Variants in TESC observed in about 807,000 individuals in gnomAD.
TESC encodes calcineurin B homologous protein 3.
Under a neutral mutation model 31.0 loss-of-function variants are expected in TESC, and 19 were observed. That is an observed-to-expected ratio of 0.61 (90% CI 0.43 to 0.90). The LOEUF is 0.90. Ranked by LOEUF, TESC falls within the 40% of genes least tolerant of loss-of-function variation. The pLI is 0.00. For missense variants in TESC, 248 were observed against 303.8 expected (o/e 0.82, Z 1.36); for synonymous variants, 109 against 114.8 (o/e 0.95, Z 0.32).
chr12:117,098,676 T>C (rs559634926), intron 1 of TESC: 1 of 152,382 alleles, frequency 6.6e-6, no homozygotes, highest in Non-Finnish European at 1.5e-5. Flanking sequence ...CCTCGCTAAG[T>C]CTCCCAGCCA....
At chr12:117,063,574 C>T (rs1355314732) in intron 2 of TESC, among the ~76,000 whole-genome samples, 1 of 152,182 alleles carries the variant, frequency 6.6e-6, no homozygotes, top group African/African-American at 2.4e-5. Context: ...CACCAACCAC[C>T]ACAAGGCTAA....
intron 2 of TESC, among the ~76,000 whole-genome samples, chr12:117,068,673 T>G (rs761330577): frequency 3.3e-5 from 5 of 152,190 alleles, no homozygotes; most frequent in Non-Finnish European, 7.4e-5. Context: ...AGTCCCTTTT[T>G]TTTCTCTTCC....
chr12:117,057,005 A>G, intron 2 of TESC, 119 bp from the exon 3 acceptor site: 1 of 928,866 alleles, frequency 1.1e-6, no homozygotes, highest in Non-Finnish European at 1.7e-6. Context: ...CCACAAGAAT[A>G]GTTCAGAGTT....
At chr12:117,082,888 G>T (rs1379742195) in intron 1 of TESC, among the ~76,000 whole-genome samples, 1 of 151,958 alleles carries the variant, frequency 6.6e-6, no homozygotes, top group Non-Finnish European at 1.5e-5. Flanking sequence ...TTGTATTTGG[G>T]TTAAAATTTT....
At chr12:117,067,327 G>C (rs369366216) in intron 2 of TESC, among the ~76,000 whole-genome samples, 39 of 152,298 alleles carry the variant, frequency 2.6e-4, no homozygotes, top group African/African-American at 8.7e-4. Context: ...CACTTTGGAA[G>C]ACTGAGGCAG....
chr12:117,070,975 T>A (rs201290937), intron 2 of TESC, among the ~76,000 whole-genome samples: 1 of 151,246 alleles, frequency 6.6e-6, no homozygotes, highest in Admixed American at 6.6e-5. Flanking sequence ...TGTCAAAAAA[T>A]AAAAAAAAAG....
chr12:117,039,480 A>G (rs768248931), intron 7 of TESC, among the ~76,000 whole-genome samples: 16 of 152,178 alleles, frequency 1.1e-4, no homozygotes, highest in Admixed American at 2.6e-4. Flanking sequence ...ACTGAATCCA[A>G]GCTCTTAGCT....
chr12:117,065,193 A>G (rs925329785), intron 2 of TESC, among the ~76,000 whole-genome samples: 2 of 152,138 alleles, frequency 1.3e-5, no homozygotes, highest in African/African-American at 4.8e-5. Context: ...GTGAGCCTGG[A>G]TGGTGGATGG....
chr12:117,091,660 C>T (rs1955311036), intron 1 of TESC, among the ~76,000 whole-genome samples: 2 of 152,258 alleles, frequency 1.3e-5, no homozygotes, highest in South Asian at 2.1e-4. Flanking sequence ...ACAGAGGGGG[C>T]GGCACCCTCC....
At chr12:117,094,100 G>A (rs376399067) in intron 1 of TESC, among the ~76,000 whole-genome samples, 9 of 152,286 alleles carry the variant, frequency 5.9e-5, no homozygotes, top group African/African-American at 1.9e-4. Flanking sequence ...GCGTGGGGAA[G>A]GTGAGCTCAA....
At chr12:117,079,392 T>A (rs994009742) in intron 1 of TESC, among the ~76,000 whole-genome samples, 22 of 151,916 alleles carry the variant, frequency 1.4e-4, no homozygotes, top group Middle Eastern at 3.4e-3. Flanking sequence ...CAAAACCCCA[T>A]CTCTACTAAA....
At chr12:117,041,436 G>A (rs1273903269) in intron 7 of TESC, among the ~76,000 whole-genome samples, 3 of 151,986 alleles carry the variant, frequency 2.0e-5, no homozygotes, top group South Asian at 2.1e-4. Flanking sequence ...GGATTCAAGC[G>A]ATCCTCCCGC....
intron 1 of TESC, among the ~76,000 whole-genome samples, chr12:117,075,913 A>ATATATATATATATG (rs1265957613): frequency 7.7e-5 from 4 of 51,952 alleles, no homozygotes; most frequent in African/African-American, 1.0e-4. Context: ...ATATATATAT[A>ATATATATATATATG]TGTGTGTGTG....
At chr12:117,083,460 T>C (rs1955176121) in intron 1 of TESC, among the ~76,000 whole-genome samples, 3 of 152,226 alleles carry the variant, frequency 2.0e-5, no homozygotes, top group Admixed American at 2.0e-4. Flanking sequence ...GCAGCACTGT[T>C]CATAAGTGCC....
chr12:117,043,337 G>A (rs1244395650), intron 6 of TESC, among the ~76,000 whole-genome samples: 4 of 152,044 alleles, frequency 2.6e-5, no homozygotes, highest in Non-Finnish European at 5.9e-5. Flanking sequence ...AGCTCTCTCT[G>A]TGACTGTCTG....
intron 2 of TESC, among the ~76,000 whole-genome samples, chr12:117,057,208 C>T (rs1246835929): frequency 6.6e-6 from 1 of 152,084 alleles, no homozygotes; most frequent in Non-Finnish European, 1.5e-5. Flanking sequence ...CAAGCAATGC[C>T]TTGCCTCAGC....
At chr12:117,051,483 A>G (rs1405278970) in intron 3 of TESC, among the ~76,000 whole-genome samples, 2 of 151,828 alleles carry the variant, frequency 1.3e-5, no homozygotes, top group East Asian at 3.9e-4. Flanking sequence ...TCTCTCTTTT[A>G]TCGTATGAAG....
At chr12:117,082,060 CAAA>C (rs61375772) in intron 1 of TESC, among the ~76,000 whole-genome samples, 1 of 119,126 alleles carries the variant, frequency 8.4e-6, no homozygotes. Flanking sequence ...CCCATCTATA[CAAA>C]AAAAAAAAAA....
At chr12:117,098,365 G>C in intron 1 of TESC, 1 of 152,960 alleles carries the variant, frequency 6.5e-6, no homozygotes, top group Non-Finnish European at 1.5e-5. Context: ...CCGGTCTGTC[G>C]CTCGCCAAAG....
Sources: allele counts gnomAD v4.1 joint callset (sites outside exome capture counted in the v4.1 genomes callset), GRCh38; gene constraint gnomAD v4.1.1; transcripts MANE v1.5; gene names NCBI Gene and HGNC (gene_info 2026-07-23, HGNC 2026-07-21).